Variants in ROBO1 observed in about 807,000 individuals in gnomAD.
ROBO1 encodes the protein roundabout guidance receptor 1.
Under a neutral mutation model 195.9 loss-of-function variants are expected in ROBO1, and 149 were observed. The observed-to-expected ratio is 0.76, with a 90% CI of 0.67 to 0.87. The LOEUF (loss-of-function observed/expected upper bound fraction) is 0.87. Ranked by LOEUF, ROBO1 falls within the 40% of genes least tolerant of loss-of-function variation. The pLI, the probability that ROBO1 is intolerant of heterozygous loss-of-function variation, is 0.00. For synonymous variants in ROBO1, 816 were observed against 733.2 expected (o/e 1.11, Z -1.82); for missense variants, 1,933 against 2,068.3 (o/e 0.93, Z 1.27).
At chr3:79,613,565 T>C (rs1260430736) in intron 1 of ROBO1, among the ~76,000 whole-genome samples, 4 of 152,014 alleles carry the variant, frequency 2.6e-5, no homozygotes, top group Non-Finnish European at 5.9e-5. Flanking sequence ...AATAATTGCA[T>C]GAAGTGTATA....
chr3:79,489,465 C>T (rs993450690), intron 2 of ROBO1, among the ~76,000 whole-genome samples: 1 of 151,836 alleles, frequency 6.6e-6, no homozygotes, highest in East Asian at 1.9e-4. Flanking sequence ...ACCATCCTGG[C>T]CAACATGGTG....
chr3:79,565,440 A>G (rs1417740361), intron 2 of ROBO1, among the ~76,000 whole-genome samples: 1 of 152,082 alleles, frequency 6.6e-6, no homozygotes, highest in East Asian at 1.9e-4. Flanking sequence ...AATAATCAGT[A>G]ACAGCTATAC....
intron 10 of ROBO1, among the ~76,000 whole-genome samples, chr3:78,678,298 A>T (rs1708565290): frequency 6.6e-6 from 1 of 151,428 alleles, no homozygotes; most frequent in African/African-American, 2.4e-5. Context: ...TTCAAAAGCT[A>T]GCAGAAGGCA....
intron 3 of ROBO1, among the ~76,000 whole-genome samples, chr3:79,049,420 G>T (rs1409339972): frequency 6.6e-6 from 1 of 152,174 alleles, no homozygotes; most frequent in Non-Finnish European, 1.5e-5. Flanking sequence ...ATCTACATTT[G>T]ATTGGTGTGC....
chr3:79,057,481 G>T lies in ROBO1; in HGVS notation c.172+67975C>A, dbSNP rs138126727. Reference sequence around the variant, plus strand: ...TGGTGAAATCTGTGCCAACTCCTCAGAAGCTGGCACACCAAATCAAAATGG... The same window carrying T: ...TGGTGAAATCTGTGCCAACTCCTCATAAGCTGGCACACCAAATCAAAATGG... On this transcript the variant is annotated intron_variant, in intron 3 of 30. Coordinates refer to ENST00000464233, the MANE Select transcript of ROBO1 (RefSeq NM_002941.4). 3.6e-3 allele frequency among the ~76,000 whole-genome samples: 549 copies of T among 152,116 alleles called. 7 individuals are homozygous for T. Among genetic ancestry groups the T allele is most frequent in the African/African-American group, 0.012 (510 of 41,526 alleles).
At chr3:79,151,798 G>T (rs2080776422) in intron 2 of ROBO1, among the ~76,000 whole-genome samples, 1 of 151,616 alleles carries the variant, frequency 6.6e-6, no homozygotes, top group African/African-American at 2.4e-5. Flanking sequence ...TCTGCAAATA[G>T]CATTCTCTTT....
At chr3:78,792,318 G>A (rs2084044999) in intron 4 of ROBO1, among the ~76,000 whole-genome samples, 2 of 152,206 alleles carry the variant, frequency 1.3e-5, no homozygotes, top group Admixed American at 1.3e-4. Flanking sequence ...GATCTGGAAT[G>A]TGCTTCTTTG....
At chr3:79,605,799 C>A (rs1374849633) in intron 1 of ROBO1, among the ~76,000 whole-genome samples, 1 of 151,820 alleles carries the variant, frequency 6.6e-6, no homozygotes, top group Admixed American at 6.6e-5. Context: ...CAAAAATCAC[C>A]TTTGTTTTTC....
In ROBO1 at chr3:78,683,366, AT is replaced by A. The variant is rs948012602; in HGVS notation, c.1342+2379del. Among the ~76,000 whole-genome samples the A allele has an allele frequency of 1.6e-4, 25 of 152,042 alleles. 1 individual carries two copies. The highest frequency in any genetic ancestry group is 1.6e-3 in the Admixed American group (25 of 15,264). On this transcript the variant is annotated intron_variant, in intron 10 of 30. Transcript: ENST00000464233. ...AATAAAATCAAAATTAAATATTCAG[AT>A]TTTTTTGTTTGTTTAGGGAGTGGGT...
chr3:79,557,977 C>T (rs1255855921), intron 2 of ROBO1, among the ~76,000 whole-genome samples: 1 of 151,746 alleles, frequency 6.6e-6, no homozygotes, highest in Non-Finnish European at 1.5e-5. Context: ...TCATTCAAGC[C>T]TCCAGTTAAT....
chr3:79,665,393 G>A (rs1946447469), intron 1 of ROBO1, among the ~76,000 whole-genome samples: 1 of 151,604 alleles, frequency 6.6e-6, no homozygotes, highest in African/African-American at 2.4e-5. Flanking sequence ...CACAATATCT[G>A]TATGTCAGTT....
At chr3:79,155,636 G>A (rs1027362668) in intron 2 of ROBO1, among the ~76,000 whole-genome samples, 9 of 151,632 alleles carry the variant, frequency 5.9e-5, no homozygotes, top group Admixed American at 2.0e-4. Context: ...CACATTTCCC[G>A]TGGATTATTT....
At chr3:79,504,389 T>TA (rs973036313) in intron 2 of ROBO1, among the ~76,000 whole-genome samples, 6 of 152,138 alleles carry the variant, frequency 3.9e-5, no homozygotes, top group Non-Finnish European at 7.4e-5. Flanking sequence ...ATTTGCTTTG[T>TA]AAAATGCTGA....
chr3:78,965,444 A>G (rs2076619876), intron 3 of ROBO1, among the ~76,000 whole-genome samples: 2 of 152,126 alleles, frequency 1.3e-5, no homozygotes, highest in Admixed American at 1.3e-4. Flanking sequence ...TTATAAAGCG[A>G]TAAAATATTT....
chr3:79,340,553 T>A (rs2034869135), intron 2 of ROBO1, among the ~76,000 whole-genome samples: 1 of 152,158 alleles, frequency 6.6e-6, no homozygotes, highest in African/African-American at 2.4e-5. Flanking sequence ...CCCCTAATGA[T>A]GGCTTGTTTT....
At position 79,617,533 on chromosome 3, in the gene ROBO1, T is replaced by A. The variant is rs138241303; in HGVS notation, c.-50-27572A>T. Among the ~76,000 whole-genome samples, 99 of 152,112 alleles carry A rather than the reference T, an allele frequency of 6.5e-4. 1 individual carries two copies. In the East Asian group the frequency reaches 0.012, roughly 18 times the overall value. On this transcript the variant is annotated intron_variant, in intron 1 of 30. Transcript: ENST00000464233. ...TGAAGGCAGACAATTATATACAACTTATATTACAGCCCCAGCATCAAGAAA... is the reference window on the plus strand; with the variant it reads ...TGAAGGCAGACAATTATATACAACTAATATTACAGCCCCAGCATCAAGAAA...
intron 3 of ROBO1, among the ~76,000 whole-genome samples, chr3:78,956,250 T>G (rs369062106): frequency 6.6e-5 from 10 of 152,266 alleles, no homozygotes; most frequent in South Asian, 4.1e-4. Flanking sequence ...GTTGATCTAA[T>G]AGACAAAATA....
intron 2 of ROBO1, among the ~76,000 whole-genome samples, chr3:79,469,948 G>C (rs76610521): frequency 6.6e-6 from 1 of 152,280 alleles, no homozygotes; most frequent in African/African-American, 2.4e-5. Flanking sequence ...GAATGGAGAA[G>C]TGGCTGAGAA....
intron 2 of ROBO1, among the ~76,000 whole-genome samples, chr3:79,363,140 T>A (rs1417220405): frequency 6.6e-6 from 1 of 152,172 alleles, no homozygotes; most frequent in Non-Finnish European, 1.5e-5. Context: ...TGAAACAATA[T>A]GATTTTATGA....
Sources: gnomAD v4.1 joint callset for allele counts (sites outside exome capture counted in the v4.1 genomes callset) on GRCh38, gnomAD v4.1.1 for gene constraint, MANE v1.5 for transcripts, NCBI Gene and HGNC (gene_info 2026-07-23, HGNC 2026-07-21) for gene names.